The following PCSK7 variants were observed in gnomAD, a reference collection of about 807,000 sequenced individuals.
PCSK7 encodes lymphoma proprotein convertase.
Under a neutral mutation model 73.3 loss-of-function variants are expected in PCSK7, and 38 were observed. That is an observed-to-expected ratio of 0.52 (90% CI 0.40 to 0.68). The LOEUF is 0.68. Ranked by LOEUF, PCSK7 falls within the 30% of genes least tolerant of loss-of-function variation. The pLI is 0.00. For synonymous variants in PCSK7, 296 were observed against 383.8 expected, an observed-to-expected ratio of 0.77 and a Z score of 2.68; for missense variants, 692 against 991.5, an observed-to-expected ratio of 0.70 and a Z score of 4.06.
intron 12 of PCSK7, chr11:117,210,179 T>G (rs1332962616): frequency 6.6e-6 from 1 of 152,182 alleles, no homozygotes; most frequent in Non-Finnish European, 1.5e-5. Context: ...GGTTTTGATA[T>G]TATACTTTAA....
chr11:117,212,201 T>C (rs1482575027), intron 12 of PCSK7: 2 of 152,166 alleles, frequency 1.3e-5, no homozygotes, highest in African/African-American at 2.4e-5. Flanking sequence ...TTTTATTGTT[T>C]TTAATTGTTT....
chr11:117,228,779 C>G (rs984057099), intron 3 of PCSK7, among the ~76,000 whole-genome samples: 2 of 152,014 alleles, frequency 1.3e-5, no homozygotes, highest in Non-Finnish European at 2.9e-5. Flanking sequence ...TGCCACCACG[C>G]CTGGCTAATT....
Position 117,204,649 on chromosome 11 carries a change from G to C in PCSK7, c.*1348C>G. On this transcript the variant is annotated 3_prime_UTR_variant, in exon 17 of 17. Coordinates refer to ENST00000320934, the MANE Select transcript of PCSK7 (RefSeq NM_004716.4). Reference sequence around the variant, plus strand: ...GCAGGGGAGAAGCGGGCTGGGGGTAGCCTGGATGTGGGCCAAGTCCACTGT... The same window carrying C: ...GCAGGGGAGAAGCGGGCTGGGGGTACCCTGGATGTGGGCCAAGTCCACTGT... The C allele has an allele frequency of 2.0e-6, 1 of 503,724 alleles. No individual in the cohort carries two copies. Among genetic ancestry groups the C allele is most frequent in the South Asian group, 1.9e-5 (1 of 51,780 alleles). 31.2% of individuals were successfully genotyped at this position (503,724 alleles called of 1,614,324 possible).
At chr11:117,215,364 T>TTGTGTGTGTGTGTGTGTGTGTGTG (rs778828914) in intron 12 of PCSK7, 6 of 84,898 alleles carry the variant, frequency 7.1e-5, no homozygotes, top group African/African-American at 4.5e-4. Context: ...CCTGGCTAAT[T>TTGTGTGTGTGTGTGTGTGTGTGTG]TGTGTGTGTG....
intron 12 of PCSK7, chr11:117,217,925 G>C (rs528095356): frequency 6.6e-6 from 1 of 152,394 alleles, no homozygotes; most frequent in African/African-American, 2.4e-5. Flanking sequence ...AGACAATCCT[G>C]GTTCATGCTG....
chr11:117,226,799 A>G (rs2032447106), intron 5 of PCSK7: 1 of 196,848 alleles, frequency 5.1e-6, no homozygotes. Flanking sequence ...CAGCTCCCCC[A>G]AAAGGATGGA....
chr11:117,223,211 G>T lies in PCSK7; in HGVS notation c.1152C>A (p.Ser384Arg), dbSNP rs1375241250. 3.7e-6 allele frequency: 6 copies of T among 1,602,822 alleles called. No individual in the cohort carries two copies. The highest frequency in any genetic ancestry group is 8.5e-7 in the Non-Finnish European group (1 of 1,169,864). The change falls in exon 9 of 17, where the codon AGC (serine) becomes AGA (arginine). Residue 384 changes from serine to arginine, a missense_variant. Physicochemically the swap from Ser to Arg is moderately radical, Grantham distance 110. Transcript: ENST00000320934. ...GGAGGGCCCGGGAGGCACTCACAAT[G>T]CTCCGAAGCATCTTGTCCCCACCAC... ...TFSGGDKMLRSIVTTDWDLQK... is the reference protein window; with the variant it reads ...TFSGGDKMLRRIVTTDWDLQK...
In PCSK7 at chr11:117,205,223, A is replaced by G. The variant is rs574206822; in HGVS notation, c.*774T>C. ...GAAGGCCAAGGTTGAGAGAAGAGTC[A>G]CAGCCTGTCAGGCAGATAGCTGGCC... On this transcript the variant is annotated 3_prime_UTR_variant, in exon 17 of 17. Coordinates refer to ENST00000320934, the MANE Select transcript of PCSK7 (RefSeq NM_004716.4). The G allele has an allele frequency of 5.1e-5, 12 of 233,560 alleles. No individual in the cohort carries two copies. Among genetic ancestry groups the G allele is most frequent in the Non-Finnish European group, 9.3e-5 (11 of 118,020 alleles). 14.5% of individuals were successfully genotyped at this position (233,560 alleles called of 1,614,324 possible).
chr11:117,218,715 A>C lies in PCSK7; in HGVS notation c.1432-147T>G. On this transcript the variant is annotated intron_variant, in intron 11 of 16. Transcript: ENST00000320934. This position sits in a 1 kb window ranked among gnomAD's most constrained non-coding sequence, Gnocchi z 4.0. ...TCCTCATCATCTTCCTTCAGCCCTC[A>C]GCTCCTGCTTGCTCGCTGGAATGCT... The C allele has an allele frequency of 5.2e-6, 3 of 581,820 alleles. No homozygotes were observed. In the South Asian group the frequency reaches 6.5e-5, roughly 13 times the overall value. 36.0% of individuals were successfully genotyped at this position (581,820 alleles called of 1,614,324 possible).
intron 6 of PCSK7, 131 bp downstream of exon 6, chr11:117,225,800 T>C (rs2032399514): frequency 4.5e-6 from 3 of 660,632 alleles, no homozygotes; most frequent in East Asian, 2.7e-5. Flanking sequence ...ATGAAGGCAA[T>C]GGACTTATTA....
rs1052577903 is a variant in PCSK7 at position 117,205,211 on chromosome 11, G to T, written c.*786C>A. The T allele has an allele frequency of 8.6e-6, 2 of 233,544 alleles. No homozygotes were observed. Among genetic ancestry groups the T allele is most frequent in the African/African-American group, 4.4e-5 (2 of 45,356 alleles). The allele number at this position is 233,544 out of a possible 1,614,324, so 14.5% of individuals were successfully genotyped here. A position where few individuals can be genotyped will look rare whatever the true frequency, so the allele number is the denominator to read the frequency against. ...CAGAAGAGGGGAGAAGGCCAAGGTT[G>T]AGAGAAGAGTCACAGCCTGTCAGGC... is the stretch of plus-strand genomic sequence containing the variant. On this transcript the variant is annotated 3_prime_UTR_variant, in exon 17 of 17. Coordinates refer to ENST00000320934, the MANE Select transcript of PCSK7 (RefSeq NM_004716.4).
At chr11:117,213,934 CTT>C (rs1491177234) in intron 12 of PCSK7, 10 of 135,572 alleles carry the variant, frequency 7.4e-5, no homozygotes, top group African/African-American at 2.8e-4. Context: ...TGCCCATAAT[CTT>C]TTTCTTTTCT....
chr11:117,224,797 G>A (rs772569125), intron 6 of PCSK7, 42 bp from the exon 7 acceptor site: 3 of 1,520,782 alleles, frequency 2.0e-6, no homozygotes, highest in East Asian at 2.3e-5. Flanking sequence ...CCAGAGCCAG[G>A]CTGCGGCTAC....
At chr11:117,223,164 T>G (rs1390544451) in intron 9 of PCSK7, 44 bp downstream of exon 9, 8 of 1,134,080 alleles carry the variant, frequency 7.1e-6, no homozygotes, top group Non-Finnish European at 1.1e-5. Context: ...ACGTGAAGTC[T>G]TGTGGGAAAG....
intron 4 of PCSK7, 107 bp from the exon 5 acceptor site, chr11:117,227,429 C>T (rs1413312257): frequency 1.8e-5 from 15 of 832,084 alleles, no homozygotes; most frequent in Middle Eastern, 2.3e-4. Context: ...GAAGCTAGGG[C>T]GATAAGCTCA....
chr11:117,211,341 C>T (rs2031723826), intron 12 of PCSK7: 1 of 152,304 alleles, frequency 6.6e-6, no homozygotes, highest in Non-Finnish European at 1.5e-5. Flanking sequence ...GAACTCCTGA[C>T]CTCAGGTGAT....
At chr11:117,225,412 T>C (rs573420599) in intron 6 of PCSK7, 33 of 158,330 alleles carry the variant, frequency 2.1e-4, no homozygotes, top group South Asian at 2.0e-3. Flanking sequence ...TGGAAGCTCT[T>C]GGTTCTCAGG....
rs36014587 is a variant in PCSK7, at chr11:117,204,760, C to CAAAAAAA, written c.*1230_*1236dup. 1.2e-5 allele frequency: 2 copies of CAAAAAAA among 170,272 alleles called. No individual in the cohort carries two copies. The highest frequency in any genetic ancestry group is 1.4e-4 in the East Asian group (1 of 7,288). 10.5% of individuals were successfully genotyped at this position (170,272 alleles called of 1,614,324 possible). A position where few individuals can be genotyped will look rare whatever the true frequency, so the allele number is the denominator to read the frequency against. On this transcript the variant is annotated 3_prime_UTR_variant, in exon 17 of 17. Transcript: ENST00000320934. ...CTGGAATATTTTTGGGGTTGGAACT[C>CAAAAAAA]AAAAAAAAAAAAAAAAAATCAATCT...
intron 1 of PCSK7, among the ~76,000 whole-genome samples, chr11:117,230,724 C>G (rs2032616004): frequency 6.6e-6 from 1 of 152,110 alleles, no homozygotes; most frequent in South Asian, 2.1e-4. Context: ...AAAACAGTTA[C>G]CAAAATGCCT....
Sources: gnomAD v4.1 joint callset for allele counts (sites outside exome capture counted in the v4.1 genomes callset) on GRCh38, gnomAD v4.1.1 for gene constraint, Gnocchi (gnomAD v3.1) non-coding constraint, MANE v1.5 for transcripts, NCBI Gene and HGNC (gene_info 2026-07-23, HGNC 2026-07-21) for gene names.